SLC35D4: variants seen among roughly 807,000 people sequenced by gnomAD.
The protein encoded by SLC35D4 is solute carrier family 35 member D4.
chr18:23,322,631 C>A, the SLC35D4 span, among the ~76,000 whole-genome samples: 1 of 152,214 alleles, frequency 6.6e-6, no homozygotes, highest in Non-Finnish European at 1.5e-5. Flanking sequence ...CTTCCTCCAT[C>A]TTTCTCTTTG....
chr18:23,431,153 C>CAAAAAAAAAAAAAAAAAA, the SLC35D4 span, among the ~76,000 whole-genome samples: 1 of 66,248 alleles, frequency 1.5e-5, no homozygotes, highest in Admixed American at 2.2e-4. Flanking sequence ...GAGTATATCT[C>CAAAAAAAAAAAAAAAAAA]AAAAAAAAAA....
chr18:23,337,002 A>AGTGT, the SLC35D4 span, among the ~76,000 whole-genome samples: 5,618 of 147,958 alleles, frequency 0.038, 109 homozygotes, highest in Middle Eastern at 0.082. Context: ...TTTCCCCTGT[A>AGTGT]GTGTGTGTGT....
At chr18:23,411,824 G>A in the SLC35D4 span, among the ~76,000 whole-genome samples, 6 of 152,256 alleles carry the variant, frequency 3.9e-5, no homozygotes, top group South Asian at 4.1e-4. Context: ...CAAAACTGTC[G>A]TTATTGAGAT....
At chr18:23,360,788 C>T in the SLC35D4 span, among the ~76,000 whole-genome samples, 2 of 151,888 alleles carry the variant, frequency 1.3e-5, no homozygotes, top group Admixed American at 6.6e-5. Context: ...AAAGTACTAC[C>T]AAATAACTAA....
chr18:23,368,314 C>T, the SLC35D4 span, among the ~76,000 whole-genome samples: 1 of 152,360 alleles, frequency 6.6e-6, no homozygotes, highest in African/African-American at 2.4e-5. Flanking sequence ...TGCCCATTGA[C>T]AGCCTCTCTT....
the SLC35D4 span, among the ~76,000 whole-genome samples, chr18:23,341,700 C>A: frequency 6.6e-6 from 1 of 152,124 alleles, no homozygotes; most frequent in East Asian, 1.9e-4. Context: ...ACATATTCTA[C>A]CACGGAGGAT....
At chr18:23,423,037 C>A in the SLC35D4 span, among the ~76,000 whole-genome samples, 1 of 152,202 alleles carries the variant, frequency 6.6e-6, no homozygotes, top group Non-Finnish European at 1.5e-5. Context: ...GGACAAGTCA[C>A]TTGGGTGTGA....
chr18:23,377,136 C>T, the SLC35D4 span, among the ~76,000 whole-genome samples: 1 of 152,138 alleles, frequency 6.6e-6, no homozygotes, highest in Non-Finnish European at 1.5e-5. Context: ...GCTGCAGGCA[C>T]CGGGGTCTGC....
the SLC35D4 span, among the ~76,000 whole-genome samples, chr18:23,332,989 G>A: frequency 2.6e-5 from 4 of 152,066 alleles, no homozygotes; most frequent in Non-Finnish European, 1.5e-5. Flanking sequence ...CATCTCCACA[G>A]CCGGTTATAA....
the SLC35D4 span, among the ~76,000 whole-genome samples, chr18:23,417,327 T>C: frequency 6.6e-6 from 1 of 152,066 alleles, no homozygotes; most frequent in Non-Finnish European, 1.5e-5. Flanking sequence ...CATGTAGACA[T>C]TGTTCAGCCT....
At chr18:23,377,363 T>C in the SLC35D4 span, among the ~76,000 whole-genome samples, 1 of 152,256 alleles carries the variant, frequency 6.6e-6, no homozygotes, top group Non-Finnish European at 1.5e-5. Flanking sequence ...TTCATTTTCA[T>C]TCTCCATCAG....
the SLC35D4 span, among the ~76,000 whole-genome samples, chr18:23,268,238 G>C: frequency 2.6e-5 from 4 of 152,170 alleles, no homozygotes; most frequent in Admixed American, 2.0e-4. Flanking sequence ...TTCCCAAATT[G>C]AAACAGTTCT....
the SLC35D4 span, among the ~76,000 whole-genome samples, chr18:23,269,528 G>T: frequency 6.6e-6 from 1 of 152,186 alleles, no homozygotes; most frequent in Non-Finnish European, 1.5e-5. Flanking sequence ...GGTAGAGTGG[G>T]GTACTGCTAT....
At chr18:23,354,290 A>C in the SLC35D4 span, among the ~76,000 whole-genome samples, 1 of 145,982 alleles carries the variant, frequency 6.9e-6, no homozygotes, top group Non-Finnish European at 1.5e-5. Context: ...TCACGAGGTC[A>C]GGAGATCAAG....
At chr18:23,302,725 T>G in the SLC35D4 span, among the ~76,000 whole-genome samples, 2 of 152,138 alleles carry the variant, frequency 1.3e-5, no homozygotes, top group African/African-American at 4.8e-5. Context: ...TACAAATATA[T>G]GGATGCAAGG....
At chr18:23,360,179 GA>G in the SLC35D4 span, among the ~76,000 whole-genome samples, 1 of 152,208 alleles carries the variant, frequency 6.6e-6, no homozygotes, top group African/African-American at 2.4e-5. Flanking sequence ...GGAGCAACTG[GA>G]ACTCTCACAT....
the SLC35D4 span, among the ~76,000 whole-genome samples, chr18:23,386,722 CAAAAA>C: frequency 3.7e-5 from 4 of 108,442 alleles, no homozygotes; most frequent in Non-Finnish European, 3.6e-5. Flanking sequence ...AAACTCTCAC[CAAAAA>C]AAAAAAAAAA....
At chr18:23,324,138 C>A in the SLC35D4 span, among the ~76,000 whole-genome samples, 2 of 151,664 alleles carry the variant, frequency 1.3e-5, no homozygotes, top group Non-Finnish European at 2.9e-5. Flanking sequence ...TAAAAAGAGA[C>A]CAGAGTTTGC....
At chr18:23,373,758 A>AGGT in the SLC35D4 span, 31 of 1,613,130 alleles carry the variant, frequency 1.9e-5, no homozygotes, top group Non-Finnish European at 2.5e-5. Context: ...CAGGAGGAGG[A>AGGT]GGGCACTGTG....
Sources: allele counts gnomAD v4.1 joint callset (sites outside exome capture counted in the v4.1 genomes callset), GRCh38; gene constraint gnomAD v4.1.1; transcripts MANE v1.5; gene names NCBI Gene and HGNC (gene_info 2026-07-23, HGNC 2026-07-21).